KPNB1: variants seen among roughly 807,000 people sequenced by gnomAD.
KPNB1 encodes importin subunit beta-1.
In KPNB1, 7 loss-of-function variants were observed where a neutral mutation model predicts 113.0. The observed-to-expected ratio is 0.06, with a 90% CI of 0.04 to 0.12. The LOEUF (loss-of-function observed/expected upper bound fraction) is 0.12. Among genes scored for constraint, KPNB1 ranks in the 10% least tolerant of loss-of-function variants. The pLI is 1.00. For missense variants in KPNB1, 400 were observed against 1,054.8 expected (o/e 0.38, Z 8.60); for synonymous variants, 363 against 378.6 (o/e 0.96, Z 0.48).
At chr17:47,670,393 A>G (rs1174362121) in intron 11 of KPNB1, 6 of 250,856 alleles carry the variant, frequency 2.4e-5, no homozygotes, top group Non-Finnish European at 3.9e-5. Context: ...ATTATCAAAC[A>G]GGATGATGAG....
intron 9 of KPNB1, among the ~76,000 whole-genome samples, chr17:47,666,681 C>T (rs761137652): frequency 8.0e-5 from 12 of 149,858 alleles, no homozygotes; most frequent in Non-Finnish European, 1.2e-4. Context: ...TGCAGTGGTG[C>T]GACCTCGGCT....
At chr17:47,664,314 T>C (rs755337010) in intron 8 of KPNB1, 45 bp downstream of exon 8, 13 of 1,233,826 alleles carry the variant, frequency 1.1e-5, no homozygotes, top group Admixed American at 5.1e-5. Flanking sequence ...TTGGGACATA[T>C]CTCATTTGTG....
intron 9 of KPNB1, among the ~76,000 whole-genome samples, chr17:47,665,391 C>A (rs76958296): frequency 0.044 from 6,736 of 152,286 alleles, 218 homozygotes; most frequent in Middle Eastern, 0.16. Flanking sequence ...GAGCCACATG[C>A]TGCTCTGATT....
In KPNB1 at chr17:47,681,184, C is replaced by G. The variant is rs186055082; in HGVS notation, c.2630+515C>G. 4.2e-4 allele frequency among the ~76,000 whole-genome samples: 64 copies of G among 151,472 alleles called. 1 individual carries two copies. Among genetic ancestry groups the G allele is most frequent in the Admixed American group, 3.9e-3 (60 of 15,194 alleles). ...TCCTGGGTTTGAGCAATTCTCCTGT[C>G]TCAGCCTCCCGAGTAGCTGGGATTA... is the stretch of plus-strand genomic sequence containing the variant. On this transcript the variant is annotated intron_variant, in intron 21 of 21. Transcript: ENST00000290158.
chr17:47,681,057 G>A (rs75668026), intron 21 of KPNB1, among the ~76,000 whole-genome samples: 2 of 118,782 alleles, frequency 1.7e-5, no homozygotes, highest in Non-Finnish European at 3.8e-5. Flanking sequence ...ATGTTTTTTT[G>A]TGTGTGTGTG....
chr17:47,682,209 C>T (rs2030805397), intron 21 of KPNB1, among the ~76,000 whole-genome samples, 195 bp from the exon 22 acceptor site: 1 of 152,176 alleles, frequency 6.6e-6, no homozygotes, highest in African/African-American at 2.4e-5. Context: ...CTTTGAGTTT[C>T]CCTCGCACCC....
chr17:47,671,694 ATT>A (rs1343159725), intron 12 of KPNB1: 2 of 151,788 alleles, frequency 1.3e-5, no homozygotes, highest in Non-Finnish European at 2.9e-5. Flanking sequence ...TGCCTGGCTA[ATT>A]TTTGTATTTT....
chr17:47,674,785 C>G lies in KPNB1; in HGVS notation c.1912+3C>G, dbSNP rs200470441. ...GGCAGTTAGCACACTGGTGGAAGGT[C>G]GGTGAGAAATACTGTCTGGTCAGGG... On this transcript the variant is annotated splice_donor_region_variant and intron_variant, in intron 15 of 21. Transcript: ENST00000290158. 6.2e-7 allele frequency: 1 copy of G among 1,605,652 alleles called. No homozygotes were observed. The highest frequency in any genetic ancestry group is 1.3e-5 in the African/African-American group (1 of 74,516).
rs116425348 is a variant in KPNB1 at position 47,662,551 on chromosome 17, G to A, written c.697-538G>A. On this transcript the variant is annotated intron_variant, in intron 6 of 21. Transcript: ENST00000290158. The stretch of plus-strand genomic sequence containing the variant: ...GATCATGGCCACTATACTTGCACCA[G>A]GGCGACAGAGCAAGAAGACTGTCTC... Among the ~76,000 whole-genome samples the A allele has an allele frequency of 2.5e-3, 381 of 151,324 alleles. 1 individual carries two copies. Among genetic ancestry groups the A allele is most frequent in the African/African-American group, 9.0e-3 (370 of 41,202 alleles).
rs1391057261 is a variant in KPNB1, at chr17:47,683,650, GTTC to G, written c.*1249_*1251del. On this transcript the variant is annotated 3_prime_UTR_variant, in exon 22 of 22. Coordinates refer to ENST00000290158, the MANE Select transcript of KPNB1 (RefSeq NM_002265.6). ...CCATTTGGAAACTGCTTGGCCTTCTGTTCTTTTATTTGATTGACTACAATGCGG... is the reference window on the plus strand; with the variant it reads ...CCATTTGGAAACTGCTTGGCCTTCTGTTTTATTTGATTGACTACAATGCGG... The G allele has an allele frequency of 6.6e-6, 1 of 152,250 alleles. No individual in the cohort carries two copies. Among genetic ancestry groups the G allele is most frequent in the Admixed American group, 6.6e-5 (1 of 15,238 alleles). The allele number at this position is 152,250 out of a possible 1,614,324, so 9.4% of individuals were successfully genotyped here. A position where few individuals can be genotyped will look rare whatever the true frequency, so the allele number is the denominator to read the frequency against.
At chr17:47,678,830 ACTC>A (rs1480302415) in intron 19 of KPNB1, among the ~76,000 whole-genome samples, 2 of 150,994 alleles carry the variant, frequency 1.3e-5, no homozygotes, top group African/African-American at 4.9e-5. Flanking sequence ...CTGGTCTTGA[ACTC>A]CTGATCTCAA....
In KPNB1 at chr17:47,682,723, A is replaced by T. The variant is rs8065792; in HGVS notation, c.*319A>T. 1 of 368,576 alleles carries T rather than the reference A, an allele frequency of 2.7e-6. No individual in the cohort carries two copies. Among genetic ancestry groups the T allele is most frequent in the Non-Finnish European group, 5.0e-6 (1 of 201,840 alleles). 22.8% of individuals were successfully genotyped at this position (368,576 alleles called of 1,614,324 possible). ...GTTATCTCTTCCCAGGAGAGGCTAGAAGTAGCTTTTCTGTCTTTTGGCCAG... is the reference window on the plus strand; with the variant it reads ...GTTATCTCTTCCCAGGAGAGGCTAGTAGTAGCTTTTCTGTCTTTTGGCCAG... On this transcript the variant is annotated 3_prime_UTR_variant, in exon 22 of 22. Transcript: ENST00000290158.
chr17:47,676,020 C>G (rs2030605555), intron 15 of KPNB1, among the ~76,000 whole-genome samples: 1 of 152,076 alleles, frequency 6.6e-6, no homozygotes, highest in Non-Finnish European at 1.5e-5. Context: ...GCCTAAGGAC[C>G]CTGTTTTGAA....
Position 47,650,165 on chromosome 17 carries a change from C to G in KPNB1, c.-80C>G, listed in dbSNP as rs1015627246. 6.4e-6 allele frequency: 9 copies of G among 1,396,164 alleles called. No homozygotes were observed. In the African/African-American group the frequency reaches 1.1e-4, roughly 17 times the overall value. 86.5% of individuals were successfully genotyped at this position (1,396,164 alleles called of 1,614,324 possible). A position where few individuals can be genotyped will look rare whatever the true frequency, so the allele number is the denominator to read the frequency against. On this transcript the variant is annotated 5_prime_UTR_variant, in exon 1 of 22. Transcript: ENST00000290158. Reference sequence around the variant, plus strand: ...CCCTCCCTTCCCACCCGACCCCCAACCCCCATCCCCAGTTCGAGCCGCCGC... The same window carrying G: ...CCCTCCCTTCCCACCCGACCCCCAAGCCCCATCCCCAGTTCGAGCCGCCGC...
intron 5 of KPNB1, 85 bp from the exon 6 acceptor site, chr17:47,661,033 AG>A: frequency 9.7e-7 from 1 of 1,025,906 alleles, no homozygotes; most frequent in Admixed American, 1.8e-5. Flanking sequence ...GGGGAGTGAG[AG>A]GTTTTCCTTG....
chr17:47,653,743 T>C (rs1915644101), intron 3 of KPNB1, among the ~76,000 whole-genome samples: 1 of 152,204 alleles, frequency 6.6e-6, no homozygotes, highest in South Asian at 2.1e-4. Context: ...ATATCAGCAT[T>C]AGGTAAAGTA....
chr17:47,676,361 G>C, intron 15 of KPNB1, 48 bp from the exon 16 acceptor site: 1 of 1,348,996 alleles, frequency 7.4e-7, no homozygotes, highest in East Asian at 2.3e-5. Context: ...GCCTGCCTCT[G>C]TGTTAACCCG....
chr17:47,659,942 A>G (rs905591780), intron 5 of KPNB1, among the ~76,000 whole-genome samples: 1 of 151,988 alleles, frequency 6.6e-6, no homozygotes, highest in African/African-American at 2.4e-5. Context: ...GTGTATGTAT[A>G]ATATATATGT....
chr17:47,650,631 CGCCCCGG>C (rs989535086), intron 2 of KPNB1, among the ~76,000 whole-genome samples, 187 bp downstream of exon 2: 1 of 150,876 alleles, frequency 6.6e-6, no homozygotes, highest in African/African-American at 2.4e-5. Flanking sequence ...GGGTGTGTCC[CGCCCCGG>C]GCCTCGCGAC....
Sources: allele counts gnomAD v4.1 joint callset (sites outside exome capture counted in the v4.1 genomes callset), GRCh38; gene constraint gnomAD v4.1.1; transcripts MANE v1.5; gene names NCBI Gene and HGNC (gene_info 2026-07-23, HGNC 2026-07-21).